NOP2: variants seen among roughly 807,000 people sequenced by gnomAD.
The protein encoded by NOP2 is 28S rRNA (cytosine(4447)-C(5))-methyltransferase.
NOP2 carries 7 observed loss-of-function variants against 72.7 expected under a neutral mutation model. The ratio of observed to expected loss-of-function variants is 0.10; its 90% CI spans 0.05 to 0.18. The LOEUF (loss-of-function observed/expected upper bound fraction) is 0.18. Ranked by LOEUF, NOP2 falls within the 10% of genes least tolerant of loss-of-function variation. The pLI, the probability that NOP2 is intolerant of heterozygous loss-of-function variation, is 1.00. For missense variants in NOP2, 954 were observed against 1,014.7 expected (o/e 0.94, Z 0.81); for synonymous variants, 387 against 388.0 (o/e 1.00, Z 0.03).
Position 6,563,964 on chromosome 12 carries a change from C to T in NOP2, c.475-18G>A, listed in dbSNP as rs202216997. Reference sequence around the variant, plus strand: ...GGCAGCAACTGAAGAGAGACAAGGGCTATTAATACAGGCCTGCCCTTCCAT... The same window carrying T: ...GGCAGCAACTGAAGAGAGACAAGGGTTATTAATACAGGCCTGCCCTTCCAT... On this transcript the variant is annotated intron_variant, in intron 5 of 15. Coordinates refer to ENST00000322166, the MANE Select transcript of NOP2 (RefSeq NM_001258308.2). 8 of 1,611,728 alleles carry T rather than the reference C, an allele frequency of 5.0e-6. No homozygotes were observed. The East Asian group carries it at 1.6e-4, about 31-fold the overall frequency.
At position 6,557,460 on chromosome 12, in the gene NOP2, C is replaced by A. The variant is rs377338189; in HGVS notation, c.1972G>T (p.Asp658Tyr). Residue 658 changes from aspartate to tyrosine, a missense_variant, in exon 16 of 16, where the codon GAC (aspartate) becomes TAC (tyrosine). Physicochemically the swap from Asp to Tyr is radical, Grantham distance 160 (BLOSUM62 -3). Transcript: ENST00000322166. Reference sequence around the variant, plus strand: ...GAAGGTACAGTGGACAATTCTGAGTCTGCCCCTTTGGAGATGCCATTCAGC... The same window carrying A: ...GAAGGTACAGTGGACAATTCTGAGTATGCCCCTTTGGAGATGCCATTCAGC... Reference protein sequence around the residue: ...QKLNGISKGADSELSTVPSVT... With the variant: ...QKLNGISKGAYSELSTVPSVT... 2.5e-6 allele frequency: 4 copies of A among 1,613,880 alleles called. No individual in the cohort carries two copies. The Admixed American group carries it at 6.7e-5, about 27-fold the overall frequency.
chr12:6,563,616 T>C lies in NOP2; in HGVS notation c.686A>G (p.Gln229Arg). 1 of 1,611,182 alleles carries C rather than the reference T, an allele frequency of 6.2e-7. No homozygotes were observed. The highest frequency in any genetic ancestry group is 8.5e-7 in the Non-Finnish European group (1 of 1,178,342). The change falls in exon 7 of 16, where the codon CAG becomes CGG. Residue 229 changes from glutamine (Q) to arginine (R), a missense_variant and splice_region_variant. Transcript: ENST00000322166. The part of the protein sequence containing the change: ...FVLPPAGEME[Q>R]DAQAPDLQRV... Reference sequence around the variant, plus strand: ...TTCACTCTGCCCTGCAAGGATATCCTGCTCCATCTCCCCAGCAGGGGGCAG... The same window carrying C: ...TTCACTCTGCCCTGCAAGGATATCCCGCTCCATCTCCCCAGCAGGGGGCAG...
intron 2 of NOP2, 34 bp downstream of exon 2, chr12:6,567,782 G>C (rs1305374693): frequency 2.6e-6 from 4 of 1,519,566 alleles, no homozygotes; most frequent in African/African-American, 1.4e-5. Flanking sequence ...TACTGCAAAA[G>C]CTGAGGGATC....
rs1947700055 is a variant in NOP2, at chr12:6,563,447, A to G, written c.756T>C (p.Asp252=). 2 of 1,611,072 alleles carry G rather than the reference A, an allele frequency of 1.2e-6. No individual in the cohort carries two copies. Among genetic ancestry groups the G allele is most frequent in the Non-Finnish European group, 1.7e-6 (2 of 1,178,726 alleles). The change falls in exon 8 of 16, where the codon GAT becomes GAC. Residue 252 remains aspartate, a synonymous_variant. Coordinates refer to ENST00000322166, the MANE Select transcript of NOP2 (RefSeq NM_001258308.2). ...RIQDIVGILR[D]FGAQREEGRS... The stretch of plus-strand genomic sequence containing the variant: ...GCCCTTCCTCCCGCTGAGCCCCAAA[A>G]TCACGCAGAATTCCCACAATATCCT...
At chr12:6,557,780 A>G (rs1947533362) in intron 15 of NOP2, 138 bp from the exon 16 acceptor site, 2 of 897,570 alleles carry the variant, frequency 2.2e-6, no homozygotes, top group Non-Finnish European at 3.3e-6. Context: ...AGAGCAGATT[A>G]CCTAAATTCC....
At chr12:6,564,042 T>TC in intron 5 of NOP2, 96 bp from the exon 6 acceptor site, 3 of 1,542,488 alleles carry the variant, frequency 1.9e-6, no homozygotes, top group Non-Finnish European at 2.6e-6. Context: ...TAAATAAAAA[T>TC]CCAACACTTG....
At chr12:6,557,771 G>C (rs1338869831) in intron 15 of NOP2, 129 bp from the exon 16 acceptor site, 4 of 951,868 alleles carry the variant, frequency 4.2e-6, no homozygotes, top group Non-Finnish European at 4.7e-6. Flanking sequence ...CAGTGCCTAA[G>C]AGCAGATTAC....
In NOP2 at chr12:6,560,170, T is replaced by C. The variant is rs1947607187; in HGVS notation, c.1717A>G (p.Thr573Ala). Reference protein sequence around the residue: ...LRSTRRFYPHTHNMDGFFIAK... With the variant: ...LRSTRRFYPHAHNMDGFFIAK... The stretch of plus-strand genomic sequence containing the variant: ...ATGAAGAACCCATCCATATTGTGGG[T>C]ATGAGGGTAGAAGCGTCGGGTAGAA... Residue 573 changes from threonine to alanine, a missense_variant, in exon 15 of 16, where the codon ACC becomes GCC. Thr to Ala is a moderately conservative substitution (Grantham distance 58, BLOSUM62 0). Transcript: ENST00000322166. This position sits in a 1 kb window ranked among gnomAD's most constrained non-coding sequence, Gnocchi z 5.0. The C allele has an allele frequency of 6.2e-7, 1 of 1,613,822 alleles. No individual in the cohort carries two copies. Among genetic ancestry groups the C allele is most frequent in the South Asian group, 1.1e-5 (1 of 91,090 alleles).
At chr12:6,563,285 A>G in intron 8 of NOP2, 30 bp downstream of exon 8, 1 of 1,565,344 alleles carries the variant, frequency 6.4e-7, no homozygotes, top group African/African-American at 1.4e-5. Flanking sequence ...AGAAAAGAAA[A>G]GCAAAAGAGG....
intron 9 of NOP2, 56 bp downstream of exon 9, chr12:6,563,025 G>T: frequency 6.7e-7 from 1 of 1,486,396 alleles, no homozygotes; most frequent in Non-Finnish European, 9.2e-7. Context: ...AATCTCTGGA[G>T]TTGGCAGAAG....
rs1235570930 is a variant in NOP2, at chr12:6,566,256, G to A, written c.319C>T (p.Pro107Ser). Residue 107 changes from proline (P) to serine (S), a missense_variant, in exon 5 of 16, where the codon CCA becomes TCA. Physicochemically the swap from Pro to Ser is moderately conservative, Grantham distance 74 (BLOSUM62 -1). Around this residue, in one of 3 missense-constraint regions of NOP2, gnomAD observed 498 missense variants for 478.3 expected, o/e 1.04. Coordinates refer to ENST00000322166, the MANE Select transcript of NOP2 (RefSeq NM_001258308.2). ...LFNAPRGKKR[P>S]APGSDEEEEE... ...TCTTCCTCATCACTGCCAGGTGCTG[G>A]GCGCTTCTTGCCTCGAGGAGCATTA... 3.1e-6 allele frequency: 5 copies of A among 1,613,906 alleles called. 1 individual carries two copies. In the South Asian group the frequency reaches 4.4e-5, roughly 14 times the overall value.
chr12:6,565,071 T>G (rs1013123851), intron 5 of NOP2, among the ~76,000 whole-genome samples: 2 of 152,162 alleles, frequency 1.3e-5, no homozygotes, highest in African/African-American at 4.8e-5. Flanking sequence ...TATAATAACT[T>G]CCTGCACCTC....
intron 5 of NOP2, among the ~76,000 whole-genome samples, chr12:6,565,475 G>A (rs1275813463): frequency 6.6e-6 from 1 of 152,050 alleles, no homozygotes; most frequent in African/African-American, 2.4e-5. Context: ...CAGGTAGCTG[G>A]GATTACAGGC....
Position 6,567,811 on chromosome 12 carries a change from C to T in NOP2, c.103+5G>A, listed in dbSNP as rs760495206. The stretch of plus-strand genomic sequence containing the variant: ...AGGGATCAGGAGGCCACAACTAATC[C>T]TTACCTGCAGGCAAGAATCTGACGA... On this transcript the variant is annotated splice_donor_5th_base_variant and intron_variant, in intron 2 of 15. Coordinates refer to ENST00000322166, the MANE Select transcript of NOP2 (RefSeq NM_001258308.2). 4.4e-5 allele frequency: 71 copies of T among 1,612,806 alleles called. No individual in the cohort carries two copies. Among genetic ancestry groups the T allele is most frequent in the Admixed American group, 1.7e-5 (1 of 59,974 alleles).
At chr12:6,559,908 C>G (rs1947598942) in intron 15 of NOP2, among the ~76,000 whole-genome samples, 190 bp downstream of exon 15, 1 of 152,218 alleles carries the variant, frequency 6.6e-6, no homozygotes, top group Non-Finnish European at 1.5e-5. Flanking sequence ...ACACTTTAGC[C>G]TGTTCACATG....
intron 3 of NOP2, 39 bp from the exon 4 acceptor site, chr12:6,566,656 G>C: frequency 1.9e-6 from 3 of 1,604,306 alleles, no homozygotes; most frequent in African/African-American, 1.3e-5. Flanking sequence ...GAAGAAATGG[G>C]AAGATACTTC....
rs1565593711 is a variant in NOP2 at position 6,567,807 on chromosome 12, A to C, written c.103+9T>G. 6.2e-7 allele frequency: 1 copy of C among 1,610,206 alleles called. No individual in the cohort carries two copies. The highest frequency in any genetic ancestry group is 8.5e-7 in the Non-Finnish European group (1 of 1,176,434). ...GCTGAGGGATCAGGAGGCCACAACT[A>C]ATCCTTACCTGCAGGCAAGAATCTG... On this transcript the variant is annotated intron_variant, in intron 2 of 15. Coordinates refer to ENST00000322166, the MANE Select transcript of NOP2 (RefSeq NM_001258308.2).
chr12:6,568,002 T>A, intron 1 of NOP2, 80 bp from the exon 2 acceptor site: 1 of 1,111,612 alleles, frequency 9.0e-7, no homozygotes, highest in Non-Finnish European at 1.3e-6. Flanking sequence ...CGTATTATAG[T>A]GGGAAAGGGC....
Position 6,560,427 on chromosome 12 carries a change from T to C in NOP2, c.1560+20A>G. ...CCCCCCAGCCCAGCCTCCCCTGCTC[T>C]GCCATGGCAGAGGTCTCACTGTGAT... On this transcript the variant is annotated intron_variant, in intron 14 of 15. Coordinates refer to ENST00000322166, the MANE Select transcript of NOP2 (RefSeq NM_001258308.2). This position sits in a 1 kb window ranked among gnomAD's most constrained non-coding sequence, Gnocchi z 5.0. 1 of 1,590,764 alleles carries C rather than the reference T, an allele frequency of 6.3e-7. No individual in the cohort carries two copies. The highest frequency in any genetic ancestry group is 8.6e-7 in the Non-Finnish European group (1 of 1,167,080).
Sources: allele counts gnomAD v4.1 joint callset (sites outside exome capture counted in the v4.1 genomes callset), GRCh38; gene constraint gnomAD v4.1.1; regional missense constraint gnomAD v4.1.1; non-coding constraint Gnocchi (gnomAD v3.1); transcripts MANE v1.5; gene names NCBI Gene and HGNC (gene_info 2026-07-23, HGNC 2026-07-21).